The following FYB1 variants were observed in gnomAD, a reference collection of about 807,000 sequenced individuals.
FYB1 encodes FYN binding protein 1, also known as FYN-binding protein 1.
In FYB1, 41 loss-of-function variants were observed where a neutral mutation model predicts 94.1. That is an observed-to-expected ratio of 0.44 (90% CI 0.34 to 0.57). The LOEUF is 0.57. FYB1 is among the 20% of genes least tolerant of loss of function. The pLI, the probability that FYB1 is intolerant of heterozygous loss-of-function variation, is 0.02. For missense variants in FYB1, 1,050 were observed against 976.8 expected (o/e 1.07, Z -1.00); for synonymous variants, 367 against 353.2 (o/e 1.04, Z -0.44).
At chr5:39,171,234 G>C (rs1003106766) in intron 2 of FYB1, among the ~76,000 whole-genome samples, 1 of 151,920 alleles carries the variant, frequency 6.6e-6, no homozygotes, top group Non-Finnish European at 1.5e-5. Flanking sequence ...AGGTTCTAGT[G>C]AGCCGAGATC....
At chr5:39,260,520 T>C (rs1752164783) in intron 1 of FYB1, among the ~76,000 whole-genome samples, 2 of 152,096 alleles carry the variant, frequency 1.3e-5, no homozygotes, top group Non-Finnish European at 2.9e-5. Flanking sequence ...CTGTGAAGCA[T>C]AGTAAAAGCT....
At chr5:39,161,341 A>C (rs774027172) in intron 2 of FYB1, among the ~76,000 whole-genome samples, 14 of 152,210 alleles carry the variant, frequency 9.2e-5, no homozygotes, top group Admixed American at 8.5e-4. Context: ...AAATATCTGC[A>C]CAGTAAAACA....
intron 3 of FYB1, among the ~76,000 whole-genome samples, chr5:39,152,352 A>C (rs1271663967): frequency 2.0e-5 from 3 of 152,226 alleles, no homozygotes; most frequent in African/African-American, 7.2e-5. Context: ...GTAGTCATCA[A>C]GCATGTCAGG....
At chr5:39,153,393 T>A in intron 3 of FYB1, 55 bp downstream of exon 3, 2 of 1,595,446 alleles carry the variant, frequency 1.3e-6, no homozygotes, top group African/African-American at 1.3e-5. Context: ...AAGCACAGTT[T>A]GAAAATCTAC....
Position 39,164,615 on chromosome 5 carries a change from G to T in FYB1, c.1136-11011C>A, listed in dbSNP as rs540379180. Among the ~76,000 whole-genome samples the T allele has an allele frequency of 3.9e-5, 6 of 152,164 alleles. No individual in the cohort carries two copies. The South Asian group carries it at 1.0e-3, about 26-fold the overall frequency. Reference sequence around the variant, plus strand: ...AATTGTGTATTTTTAGTAGAGACAGGATTTCACCAGGCTGGTCTCGAACTC... The same window carrying T: ...AATTGTGTATTTTTAGTAGAGACAGTATTTCACCAGGCTGGTCTCGAACTC... On this transcript the variant is annotated intron_variant, in intron 2 of 18. Transcript: ENST00000512982.
At chr5:39,187,554 A>G (rs1295637920) in intron 2 of FYB1, among the ~76,000 whole-genome samples, 1 of 152,208 alleles carries the variant, frequency 6.6e-6, no homozygotes, top group Non-Finnish European at 1.5e-5. Flanking sequence ...TTGGGCAATA[A>G]TCAGTTTGGG....
In FYB1 at chr5:39,182,947, T is replaced by G. The variant is rs565253842; in HGVS notation, c.1135+18879A>C. Among the ~76,000 whole-genome samples the G allele has an allele frequency of 7.9e-5, 12 of 152,288 alleles. No individual in the cohort carries two copies. In the South Asian group the frequency reaches 2.5e-3, roughly 32 times the overall value. On this transcript the variant is annotated intron_variant, in intron 2 of 18. Transcript: ENST00000512982. ...AAAAAGGAAATAAGCTACAGACAGG[T>G]CTCATTCTAAGCAAAACTAAGTTGA... is the stretch of plus-strand genomic sequence containing the variant.
intron 3 of FYB1, among the ~76,000 whole-genome samples, chr5:39,149,782 G>A (rs902614819): frequency 2.0e-5 from 3 of 151,962 alleles, no homozygotes; most frequent in Non-Finnish European, 2.9e-5. Context: ...CCAAGACCCC[G>A]GCGTTATTGA....
chr5:39,261,906 A>G (rs1307329380), intron 1 of FYB1, among the ~76,000 whole-genome samples: 1 of 152,194 alleles, frequency 6.6e-6, no homozygotes, highest in Non-Finnish European at 1.5e-5. Context: ...GGGGAAAAGA[A>G]CAAGCTAACG....
intron 1 of FYB1, among the ~76,000 whole-genome samples, chr5:39,261,711 C>T (rs1361867083): frequency 2.0e-5 from 3 of 152,028 alleles, no homozygotes; most frequent in African/African-American, 4.8e-5. Context: ...CGTGCTACTG[C>T]CCTCCAGCCT....
chr5:39,141,336 G>C (rs746140026), intron 3 of FYB1, among the ~76,000 whole-genome samples, 195 bp from the exon 4 acceptor site: 4 of 152,224 alleles, frequency 2.6e-5, no homozygotes, highest in Non-Finnish European at 4.4e-5. Context: ...GGAGAATTGG[G>C]AAACTGGAGT....
At position 39,135,020 on chromosome 5, in the gene FYB1, A is replaced by G; in HGVS notation, c.1516-6T>C. The G allele has an allele frequency of 1.2e-6, 2 of 1,608,872 alleles. No homozygotes were observed. The highest frequency in any genetic ancestry group is 1.7e-6 in the Non-Finnish European group (2 of 1,177,924). On this transcript the variant is annotated splice_polypyrimidine_tract_variant and splice_region_variant and intron_variant, in intron 7 of 18. Coordinates refer to ENST00000512982, the MANE Select transcript of FYB1 (RefSeq NM_001465.6). ...ACTTGAATAGGGCCTGTTAGCTGCA[A>G]AGAGAAAAAAATAGTCACAAAAGAT...
chr5:39,108,318 G>A (rs1738717712), intron 17 of FYB1, 56 bp from the exon 18 acceptor site: 9 of 1,404,546 alleles, frequency 6.4e-6, no homozygotes, highest in African/African-American at 1.4e-5. Context: ...TGGCATTAGA[G>A]CAATATATAG....
intron 1 of FYB1, among the ~76,000 whole-genome samples, chr5:39,252,774 A>C (rs1751784995): frequency 1.3e-5 from 2 of 152,206 alleles, no homozygotes; most frequent in Non-Finnish European, 2.9e-5. Context: ...AGGGCCAGAC[A>C]GTCTAGGATT....
chr5:39,145,420 C>CA (rs996087166), intron 3 of FYB1, among the ~76,000 whole-genome samples: 41 of 152,116 alleles, frequency 2.7e-4, no homozygotes, highest in African/African-American at 9.6e-4. Context: ...CATTTATAAA[C>CA]AGAACTATTG....
At chr5:39,124,228 C>T (rs1412446234) in intron 13 of FYB1, 25 bp downstream of exon 13, 3 of 1,512,716 alleles carry the variant, frequency 2.0e-6, no homozygotes, top group Non-Finnish European at 2.7e-6. Flanking sequence ...AGATACAGAA[C>T]ATACAATCAG....
chr5:39,136,848 A>G (rs1741718535), intron 7 of FYB1, among the ~76,000 whole-genome samples: 1 of 152,210 alleles, frequency 6.6e-6, no homozygotes, highest in Non-Finnish European at 1.5e-5. Context: ...TACTTAAAGA[A>G]ACCATACAGT....
At chr5:39,121,884 T>C (rs1320275291) in intron 14 of FYB1, among the ~76,000 whole-genome samples, 5 of 152,116 alleles carry the variant, frequency 3.3e-5, no homozygotes, top group Admixed American at 1.3e-4. Flanking sequence ...TTGAACAAGA[T>C]GGGTGAGTGC....
In FYB1 at chr5:39,150,337, C is replaced by G. The variant is rs577686907; in HGVS notation, c.1292+3111G>C. ...TACCTGATGTTAACCAACCCATTAT[C>G]TTTCTATTGTTCTATCTCCCTGTAC... On this transcript the variant is annotated intron_variant, in intron 3 of 18. Transcript: ENST00000512982. 2.6e-5 allele frequency among the ~76,000 whole-genome samples: 4 copies of G among 152,308 alleles called. No individual in the cohort carries two copies. The South Asian group carries it at 8.3e-4, about 32-fold the overall frequency.
Sources: gnomAD v4.1 joint callset for allele counts (sites outside exome capture counted in the v4.1 genomes callset) on GRCh38, gnomAD v4.1.1 for gene constraint, MANE v1.5 for transcripts, NCBI Gene and HGNC (gene_info 2026-07-23, HGNC 2026-07-21) for gene names.